Variants in GABBR2 observed in about 807,000 individuals in gnomAD.
GABBR2 encodes G-protein coupled receptor 51.
A neutral mutation model predicts 105.6 loss-of-function variants in GABBR2; 23 were observed. The ratio of observed to expected loss-of-function variants is 0.22; its 90% CI spans 0.16 to 0.31. GABBR2 has a LOEUF of 0.31. GABBR2 is among the 10% of genes least tolerant of loss of function. GABBR2 has a pLI of 1.00. For missense variants in GABBR2, 734 were observed against 1,245.5 expected (o/e 0.59, Z 6.18); for synonymous variants, 478 against 499.7 (o/e 0.96, Z 0.58).
chr9:98,580,938 C>T (rs981608609), intron 1 of GABBR2: 16 of 152,146 alleles, frequency 1.1e-4, no homozygotes, highest in Admixed American at 1.0e-3. Context: ...CCTTAAGTGA[C>T]CGCTATATGG....
chr9:98,513,147 C>A (rs1029632005), intron 3 of GABBR2, among the ~76,000 whole-genome samples: 182 of 152,244 alleles, frequency 1.2e-3, no homozygotes, highest in African/African-American at 4.3e-3. Flanking sequence ...CAAAAACAAT[C>A]AATGGGGAAA....
At chr9:98,622,170 T>C (rs1262653781) in intron 1 of GABBR2, among the ~76,000 whole-genome samples, 1 of 152,206 alleles carries the variant, frequency 6.6e-6, no homozygotes, top group Non-Finnish European at 1.5e-5. Context: ...TTTGGTGTTT[T>C]GCTTTGTTTT....
chr9:98,674,299 T>C (rs1268524140), intron 1 of GABBR2, among the ~76,000 whole-genome samples: 1 of 152,180 alleles, frequency 6.6e-6, no homozygotes, highest in African/African-American at 2.4e-5. Flanking sequence ...GGAATCGCAG[T>C]GGTGTCATCA....
At chr9:98,661,088 T>C (rs1291455840) in intron 1 of GABBR2, among the ~76,000 whole-genome samples, 3 of 152,176 alleles carry the variant, frequency 2.0e-5, no homozygotes, top group Non-Finnish European at 2.9e-5. Flanking sequence ...TTTGTGTTTT[T>C]AGTAGAGATG....
chr9:98,399,225 G>A (rs182545653), intron 8 of GABBR2, among the ~76,000 whole-genome samples: 19 of 152,042 alleles, frequency 1.2e-4, no homozygotes, highest in African/African-American at 4.3e-4. Flanking sequence ...ACGGTGGCAC[G>A]TGCCTGTAAT....
At chr9:98,319,452 T>TTTC (rs796234062) in intron 13 of GABBR2, among the ~76,000 whole-genome samples, 28 of 51,326 alleles carry the variant, frequency 5.5e-4, no homozygotes, top group African/African-American at 1.7e-3. Context: ...GTTTGGGTGA[T>TTTC]TTTTTTTTTT....
intron 12 of GABBR2, among the ~76,000 whole-genome samples, chr9:98,368,270 A>G (rs1831716083): frequency 6.6e-6 from 1 of 152,054 alleles, no homozygotes; most frequent in African/African-American, 2.4e-5. Context: ...ATTACCCTTA[A>G]AAACAAAAGT....
chr9:98,409,980 C>T (rs577229692), intron 7 of GABBR2, among the ~76,000 whole-genome samples: 5 of 152,314 alleles, frequency 3.3e-5, no homozygotes, highest in African/African-American at 1.2e-4. Context: ...TTCTTGCCAC[C>T]TGAAGGAGCT....
chr9:98,634,873 C>T (rs4743241), intron 1 of GABBR2, among the ~76,000 whole-genome samples: 103,650 of 151,984 alleles, frequency 0.68, 36,159 homozygotes, highest in Middle Eastern at 0.82. Context: ...GCTCACACAC[C>T]TCCAGTGCAG....
chr9:98,648,120 G>GTGTGTGTGTGTGTGTGT (rs1564140811), intron 1 of GABBR2, among the ~76,000 whole-genome samples: 15 of 39,892 alleles, frequency 3.8e-4, no homozygotes, highest in African/African-American at 4.8e-4. Context: ...TGTGTGTATA[G>GTGTGTGTGTGTGTGTGT]ATAGATAGAT....
At chr9:98,311,969 G>A (rs771074383) in intron 13 of GABBR2, among the ~76,000 whole-genome samples, 4 of 152,192 alleles carry the variant, frequency 2.6e-5, no homozygotes, top group Non-Finnish European at 4.4e-5. Context: ...GACACCCAGG[G>A]AATGAAACAA....
intron 2 of GABBR2, among the ~76,000 whole-genome samples, chr9:98,565,487 A>G (rs1326247077): frequency 6.6e-6 from 1 of 152,154 alleles, no homozygotes; most frequent in Non-Finnish European, 1.5e-5. Context: ...AAGGCCCATC[A>G]ACTGGCCCAA....
intron 4 of GABBR2, among the ~76,000 whole-genome samples, chr9:98,487,066 T>A (rs1315047620): frequency 6.6e-6 from 1 of 152,224 alleles, no homozygotes; most frequent in Non-Finnish European, 1.5e-5. Context: ...GTGGAAAGCA[T>A]GGCATTTCTT....
intron 1 of GABBR2, among the ~76,000 whole-genome samples, chr9:98,580,000 C>T (rs1182895): frequency 0.77 from 116,563 of 152,066 alleles, 45,890 homozygotes; most frequent in African/African-American, 0.94. Context: ...CATCTTTGTA[C>T]TATGTACAGG....
intron 1 of GABBR2, among the ~76,000 whole-genome samples, chr9:98,584,709 A>T (rs2131787624): frequency 6.6e-6 from 1 of 152,342 alleles, no homozygotes; most frequent in Non-Finnish European, 1.5e-5. Flanking sequence ...ATGCCAAGAA[A>T]ATGTCAGAGT....
At chr9:98,616,470 T>C (rs527386321) in intron 1 of GABBR2, among the ~76,000 whole-genome samples, 11 of 152,266 alleles carry the variant, frequency 7.2e-5, no homozygotes, top group Admixed American at 7.2e-4. Flanking sequence ...TTAAGAAAAG[T>C]TGGCCGGATG....
intron 12 of GABBR2, among the ~76,000 whole-genome samples, chr9:98,365,427 GAC>G (rs886352963): frequency 3.9e-5 from 6 of 152,202 alleles, no homozygotes; most frequent in African/African-American, 1.4e-4. Flanking sequence ...AGCTCTACTA[GAC>G]ACAAGACTAA....
At chr9:98,550,848 T>C (rs113271620) in intron 2 of GABBR2, among the ~76,000 whole-genome samples, 1,707 of 152,280 alleles carry the variant, frequency 0.011, 18 homozygotes, top group Non-Finnish European at 0.016. Flanking sequence ...AGAGAGTTCA[T>C]AGATACTGGA....
chr9:98,638,869 T>C (rs1829917991), intron 1 of GABBR2, among the ~76,000 whole-genome samples: 1 of 152,224 alleles, frequency 6.6e-6, no homozygotes, highest in African/African-American at 2.4e-5. Flanking sequence ...AAAAAGTTAA[T>C]CACTTCTGTC....
Sources: allele counts gnomAD v4.1 joint callset (sites outside exome capture counted in the v4.1 genomes callset), GRCh38; gene constraint gnomAD v4.1.1; transcripts MANE v1.5; gene names NCBI Gene and HGNC (gene_info 2026-07-23, HGNC 2026-07-21).